CEP126: variants seen among roughly 807,000 people sequenced by gnomAD.
CEP126 encodes centrosomal protein 126, also known as centrosomal protein of 126 kDa.
A neutral mutation model predicts 107.8 loss-of-function variants in CEP126; 74 were observed. That is an observed-to-expected ratio of 0.69 (90% CI 0.57 to 0.83). The LOEUF is 0.83. Ranked by LOEUF, CEP126 falls within the 40% of genes least tolerant of loss-of-function variation. CEP126 has a pLI of 0.00. For synonymous variants in CEP126, 449 were observed against 446.0 expected, an observed-to-expected ratio of 1.01 and a Z score of -0.08; for missense variants, 1,237 against 1,281.9, an observed-to-expected ratio of 0.96 and a Z score of 0.53.
At chr11:101,995,549 G>C (rs1219105616) in intron 10 of CEP126, among the ~76,000 whole-genome samples, 2 of 152,162 alleles carry the variant, frequency 1.3e-5, no homozygotes, top group Non-Finnish European at 2.9e-5. Context: ...TACCCTTCCT[G>C]GTCCCCTGTC....
chr11:101,992,234 A>T (rs1401771786), intron 9 of CEP126, among the ~76,000 whole-genome samples: 2 of 152,250 alleles, frequency 1.3e-5, no homozygotes, highest in South Asian at 2.1e-4. Context: ...GGTAAAGAAT[A>T]AAAAAATTAA....
Position 101,958,424 on chromosome 11 carries a change from C to G in CEP126, c.705+58C>G, listed in dbSNP as rs1940929245. 2.8e-6 allele frequency: 4 copies of G among 1,445,232 alleles called. No homozygotes were observed. The Admixed American group carries it at 6.9e-5, about 25-fold the overall frequency. The allele number at this position is 1,445,232 out of a possible 1,614,324, so 89.5% of individuals were successfully genotyped here. A position where few individuals can be genotyped will look rare whatever the true frequency, so the allele number is the denominator to read the frequency against. ...AATTCCTTGCACTAATTTTGCTCCACTTTTGCAGTGTTCTCCACTAAAGAA... is the reference window on the plus strand; with the variant it reads ...AATTCCTTGCACTAATTTTGCTCCAGTTTTGCAGTGTTCTCCACTAAAGAA... On this transcript the variant is annotated intron_variant, in intron 5 of 10. Transcript: ENST00000263468.
At chr11:101,980,246 C>G (rs929847405) in intron 7 of CEP126, among the ~76,000 whole-genome samples, 1 of 152,142 alleles carries the variant, frequency 6.6e-6, no homozygotes, top group African/African-American at 2.4e-5. Flanking sequence ...CCTTCCATTT[C>G]AACTGCCATG....
At chr11:101,935,080 A>G (rs1940556535) in intron 2 of CEP126, among the ~76,000 whole-genome samples, 1 of 152,000 alleles carries the variant, frequency 6.6e-6, no homozygotes, top group Non-Finnish European at 1.5e-5. Context: ...AATTTTAGCT[A>G]TATACTAAGA....
intron 2 of CEP126, among the ~76,000 whole-genome samples, chr11:101,929,932 T>TTTCC (rs562098053): frequency 1.1e-4 from 17 of 151,704 alleles, no homozygotes; most frequent in Admixed American, 2.0e-4. Flanking sequence ...AAGCTGATCT[T>TTTCC]TTCCTTATCC....
intron 4 of CEP126, chr11:101,957,047 G>GATTATC (rs1940909013): frequency 3.7e-6 from 1 of 272,358 alleles, no homozygotes; most frequent in Non-Finnish European, 7.1e-6. Context: ...AAGTGTAAAA[G>GATTATC]GAAGAGACAG....
intron 3 of CEP126, among the ~76,000 whole-genome samples, chr11:101,946,841 G>A (rs139506941): frequency 0.032 from 4,914 of 152,152 alleles, 123 homozygotes; most frequent in African/African-American, 0.067. Context: ...CAGCCTGAGC[G>A]ACAGAGCAAG....
At chr11:101,919,664 T>G (rs1460017819) in intron 1 of CEP126, among the ~76,000 whole-genome samples, 1 of 152,222 alleles carries the variant, frequency 6.6e-6, no homozygotes, top group Non-Finnish European at 1.5e-5. Flanking sequence ...CATACTATAC[T>G]ATTATACTTA....
At chr11:101,920,631 TC>T (rs1940311790) in intron 1 of CEP126, among the ~76,000 whole-genome samples, 1 of 149,672 alleles carries the variant, frequency 6.7e-6, no homozygotes, top group Admixed American at 6.7e-5. Flanking sequence ...TGAGACAGAG[TC>T]TCGCTGTGTT....
chr11:101,985,179 T>C (rs1428656777), intron 8 of CEP126, among the ~76,000 whole-genome samples: 1 of 152,224 alleles, frequency 6.6e-6, no homozygotes, highest in Non-Finnish European at 1.5e-5. Context: ...TGCTTTCTGA[T>C]GGTTCAATAT....
chr11:101,992,023 GA>G (rs796977560), intron 9 of CEP126, among the ~76,000 whole-genome samples: 36 of 152,210 alleles, frequency 2.4e-4, no homozygotes, highest in African/African-American at 8.7e-4. Flanking sequence ...GAAGTGACAG[GA>G]AGCTTCCAAG....
intron 6 of CEP126, among the ~76,000 whole-genome samples, chr11:101,977,513 C>T (rs1454511190): frequency 4.0e-5 from 6 of 151,282 alleles, no homozygotes; most frequent in Admixed American, 1.3e-4. Context: ...CACCTGTAGC[C>T]CTAGCTACTC....
At chr11:101,994,974 A>T (rs757458717) in intron 10 of CEP126, among the ~76,000 whole-genome samples, 4 of 151,242 alleles carry the variant, frequency 2.6e-5, no homozygotes, top group Non-Finnish European at 5.9e-5. Context: ...TGCTGCACCC[A>T]TCAACCCATC....
chr11:101,938,171 A>AAACAAAAAAC lies in CEP126; in HGVS notation c.249-6092_249-6091insCAAAAAACAA, dbSNP rs1555052722. On this transcript the variant is annotated intron_variant, in intron 2 of 10. Transcript: ENST00000263468. ...CGAGACTCTGTCTCAAAAAAAAAAA[A>AAACAAAAAAC]AAAAATACAAGAAATTGGTCCATTT... Among the ~76,000 whole-genome samples the AAACAAAAAAC allele has an allele frequency of 2.4e-3, 340 of 144,600 alleles. 27 individuals are homozygous for AAACAAAAAAC. Among genetic ancestry groups the AAACAAAAAAC allele is most frequent in the African/African-American group, 8.0e-3 (316 of 39,302 alleles). 94.9% of individuals were successfully genotyped at this position (144,600 alleles called of 152,430 possible).
At chr11:101,925,344 T>G (rs1368445841) in intron 2 of CEP126, among the ~76,000 whole-genome samples, 1 of 152,160 alleles carries the variant, frequency 6.6e-6, no homozygotes, top group African/African-American at 2.4e-5. Flanking sequence ...AGAACTATCT[T>G]TTGGTAAATA....
intron 2 of CEP126, among the ~76,000 whole-genome samples, chr11:101,943,199 T>C (rs944642853): frequency 6.6e-6 from 1 of 152,002 alleles, no homozygotes; most frequent in Non-Finnish European, 1.5e-5. Context: ...GAGATTGTTT[T>C]GGGAGCTAAA....
intron 8 of CEP126, among the ~76,000 whole-genome samples, chr11:101,984,787 C>T (rs932819347): frequency 1.3e-5 from 2 of 152,146 alleles, no homozygotes; most frequent in Non-Finnish European, 2.9e-5. Flanking sequence ...ATTTCCTCAT[C>T]CCTAGAGGAC....
At chr11:101,923,719 G>A (rs7944180) in intron 2 of CEP126, among the ~76,000 whole-genome samples, 4,251 of 152,204 alleles carry the variant, frequency 0.028, 81 homozygotes, top group African/African-American at 0.052. Flanking sequence ...TATAAACGGC[G>A]TGTGACAGGT....
At chr11:101,991,434 G>A (rs1287099769) in intron 9 of CEP126, among the ~76,000 whole-genome samples, 1 of 152,046 alleles carries the variant, frequency 6.6e-6, no homozygotes, top group Admixed American at 6.6e-5. Context: ...AGCAATCAAT[G>A]AATAAGATGC....
Sources: gnomAD v4.1 joint callset for allele counts (sites outside exome capture counted in the v4.1 genomes callset) on GRCh38, gnomAD v4.1.1 for gene constraint, MANE v1.5 for transcripts, NCBI Gene and HGNC (gene_info 2026-07-23, HGNC 2026-07-21) for gene names.